The following CELSR2 variants were observed in gnomAD, a reference collection of about 807,000 sequenced individuals.
CELSR2 encodes EGF-like protein 2.
A neutral mutation model predicts 251.6 loss-of-function variants in CELSR2; 81 were observed. That is an observed-to-expected ratio of 0.32 (90% CI 0.27 to 0.39). CELSR2 has a LOEUF of 0.39. Among genes scored for constraint, CELSR2 ranks in the 10% least tolerant of loss-of-function variants. The pLI, the probability that CELSR2 is intolerant of heterozygous loss-of-function variation, is 1.00. For synonymous variants in CELSR2, 1,721 were observed against 1,670.5 expected, an observed-to-expected ratio of 1.03 and a Z score of -0.74; for missense variants, 3,365 against 3,947.7, an observed-to-expected ratio of 0.85 and a Z score of 3.96.
intron 15 of CELSR2, 59 bp from the exon 16 acceptor site, chr1:109,267,489 G>A (rs1287398542): frequency 6.5e-7 from 1 of 1,530,484 alleles, no homozygotes; most frequent in Non-Finnish European, 9.0e-7. Context: ...CTCTCAGCCA[G>A]TCTCAGGGGC....
At chr1:109,268,286 G>C (rs1288772267) in intron 17 of CELSR2, among the ~76,000 whole-genome samples, 1 of 152,240 alleles carries the variant, frequency 6.6e-6, no homozygotes, top group East Asian at 1.9e-4. Flanking sequence ...CAGAGCAGAG[G>C]CCTGCCTGTG....
rs35081717 is a variant in CELSR2, at chr1:109,273,301, G to GC, written c.8479dup (p.Leu2827ProfsTer14). On this transcript the variant is annotated frameshift_variant, in exon 32 of 34. Coordinates refer to ENST00000271332, the MANE Select transcript of CELSR2 (RefSeq NM_001408.3). LOFTEE classifies it high-confidence loss of function. ...GCCCTGTCTCGAGAGGGGTCCCTAG[G>GC]CCCCCTTCCAGGCTCTTCTGCCCAG... 1 of 1,600,064 alleles carries GC rather than the reference G, an allele frequency of 6.2e-7. No homozygotes were observed. Among genetic ancestry groups the GC allele is most frequent in the African/African-American group, 1.3e-5 (1 of 74,416 alleles).
intron 1 of CELSR2, among the ~76,000 whole-genome samples, chr1:109,257,534 G>C (rs1413057199): frequency 6.6e-6 from 1 of 152,152 alleles, no homozygotes; most frequent in Non-Finnish European, 1.5e-5. Flanking sequence ...GTGTGTTTTA[G>C]TGCTTAGCTG....
intron 14 of CELSR2, 76 bp from the exon 15 acceptor site, chr1:109,266,029 T>C (rs575532738): frequency 1.3e-6 from 2 of 1,592,182 alleles, no homozygotes; most frequent in Admixed American, 1.7e-5. Context: ...TGGGGAGGCC[T>C]AGGGAGGGCT....
intron 2 of CELSR2, 54 bp from the exon 3 acceptor site, chr1:109,260,988 G>T (rs1446145797): frequency 1.4e-6 from 2 of 1,430,438 alleles, no homozygotes; most frequent in Non-Finnish European, 1.9e-6. Flanking sequence ...GGGGGTCTCA[G>T]TTCCCCTCCT....
rs548346568 is a variant in CELSR2, at chr1:109,253,518, G to A, written c.3310+129G>A. On this transcript the variant is annotated intron_variant, in intron 1 of 33. Transcript: ENST00000271332. ...CTCCCTGCCCAGTGCCTGGCACAGA[G>A]CAGGAGGGGCAAGAGCCAGCTTGGG... 2.6e-5 allele frequency: 37 copies of A among 1,437,846 alleles called. No homozygotes were observed. In the South Asian group the frequency reaches 3.3e-4, roughly 13 times the overall value. The allele number at this position is 1,437,846 out of a possible 1,614,324, so 89.1% of individuals were successfully genotyped here.
chr1:109,257,904 G>T (rs1655901866), intron 1 of CELSR2, among the ~76,000 whole-genome samples: 1 of 152,190 alleles, frequency 6.6e-6, no homozygotes, highest in Non-Finnish European at 1.5e-5. Flanking sequence ...CGCCCAAGCA[G>T]CCATGGGGCT....
chr1:109,261,360 C>A lies in CELSR2; in HGVS notation c.4181+96C>A. ...GAAGTAAGAGGTCAGGCAGTGAAAG[C>A]GTGGAGCAGGCTGCCGGCAGAGCCA... On this transcript the variant is annotated intron_variant, in intron 3 of 33. Transcript: ENST00000271332. This position sits in a 1 kb window ranked among gnomAD's most constrained non-coding sequence, Gnocchi z 4.8. 1.4e-6 allele frequency: 2 copies of A among 1,406,128 alleles called. No homozygotes were observed. Among genetic ancestry groups the A allele is most frequent in the Non-Finnish European group, 2.0e-6 (2 of 1,008,154 alleles). 87.1% of individuals were successfully genotyped at this position (1,406,128 alleles called of 1,614,324 possible).
At chr1:109,272,597 A>C in intron 29 of CELSR2, 43 bp from the exon 30 acceptor site, 1 of 1,571,532 alleles carries the variant, frequency 6.4e-7, no homozygotes, top group African/African-American at 1.4e-5. Context: ...GACCCTGGGC[A>C]AGGGGCCAGG....
intron 32 of CELSR2, 29 bp from the exon 33 acceptor site, chr1:109,273,407 G>T: frequency 1.2e-6 from 2 of 1,606,182 alleles, no homozygotes; most frequent in Non-Finnish European, 1.7e-6. Context: ...TCCTGTGGCC[G>T]CACCTCACAG....
In CELSR2 at chr1:109,268,753, C is replaced by T. The variant is rs775752921; in HGVS notation, c.6491C>T (p.Thr2164Met). The T allele has an allele frequency of 6.9e-5, 111 of 1,600,248 alleles. No homozygotes were observed. Among genetic ancestry groups the T allele is most frequent in the East Asian group, 2.0e-4 (9 of 44,528 alleles). ...TACCTAAGCCCCTTCACCATCGTCA[C>T]GCCCAACATTGGTAAGGCTGGTGCC... ...HTYLSPFTIV[T>M]PNIVISVVRL... The change falls in exon 18 of 34, where the codon ACG becomes ATG. Residue 2164 changes from threonine (T) to methionine (M), a missense_variant. Coordinates refer to ENST00000271332, the MANE Select transcript of CELSR2 (RefSeq NM_001408.3).
chr1:109,265,647 T>C, intron 13 of CELSR2, 88 bp from the exon 14 acceptor site: 2 of 1,505,932 alleles, frequency 1.3e-6, no homozygotes, highest in Non-Finnish European at 1.8e-6. Context: ...GTCGGGACCC[T>C]CTCCACAGGG....
intron 1 of CELSR2, 72 bp downstream of exon 1, chr1:109,253,461 G>A: frequency 1.3e-6 from 2 of 1,519,594 alleles, no homozygotes; most frequent in East Asian, 2.4e-5. Context: ...ACTGGAGGTA[G>A]GGTGCGATCC....
chr1:109,267,939 C>T lies in CELSR2; in HGVS notation c.6197C>T (p.Thr2066Ile). Reference protein sequence around the residue: ...ALLLRNATQHTAGYFGSDVKV... With the variant: ...ALLLRNATQHIAGYFGSDVKV... ...CTCCTGCGCAACGCCACGCAGCACA[C>T]AGCTGGCTACTTCGGCAGCGACGTC... is the stretch of plus-strand genomic sequence containing the variant. The change falls in exon 17 of 34, where the codon ACA becomes ATA. Residue 2066 changes from threonine (T) to isoleucine (I), a missense_variant. Around this residue, in one of 5 missense-constraint regions of CELSR2, gnomAD observed 2,093 missense variants for 2,382.8 expected, o/e 0.88. Coordinates refer to ENST00000271332, the MANE Select transcript of CELSR2 (RefSeq NM_001408.3). The T allele has an allele frequency of 1.2e-6, 2 of 1,611,800 alleles. No individual in the cohort carries two copies. The highest frequency in any genetic ancestry group is 1.1e-5 in the South Asian group (1 of 91,066).
In CELSR2 at chr1:109,274,300, A is replaced by T; in HGVS notation, c.*251A>T. ...CCCCTGGGGCCAACATCTCCAAGAC[A>T]AAGTTTTTCAGAAAAGAGGAAAAAA... is the stretch of plus-strand genomic sequence containing the variant. On this transcript the variant is annotated 3_prime_UTR_variant, in exon 34 of 34. Transcript: ENST00000271332. The T allele has an allele frequency of 1.3e-6, 1 of 774,098 alleles. No homozygotes were observed. The highest frequency in any genetic ancestry group is 1.9e-6 in the Non-Finnish European group (1 of 521,788). The allele number at this position is 774,098 out of a possible 1,614,324, so 48.0% of individuals were successfully genotyped here. A position where few individuals can be genotyped will look rare whatever the true frequency, so the allele number is the denominator to read the frequency against.
rs1414720758 is a variant in CELSR2, at chr1:109,250,048, T to G, written c.-32T>G. 1.1e-5 allele frequency: 14 copies of G among 1,317,132 alleles called. No homozygotes were observed. The highest frequency in any genetic ancestry group is 1.3e-5 in the Non-Finnish European group (14 of 1,041,704). 81.6% of individuals were successfully genotyped at this position (1,317,132 alleles called of 1,614,324 possible). A position where few individuals can be genotyped will look rare whatever the true frequency, so the allele number is the denominator to read the frequency against. On this transcript the variant is annotated 5_prime_UTR_variant, in exon 1 of 34. Transcript: ENST00000271332. The surrounding 1 kb of genome is among the most constrained non-coding windows in gnomAD (Gnocchi z 4.4). ...GCCGGAGGAGGAGCCGCCGCCGCCG[T>G]TGACCCGGCCGCCGGCCGGGAGCTG...
In CELSR2 at chr1:109,271,310, T is replaced by TG; in HGVS notation, c.7676+18dup. ...GAAAGGTCCTGTGTGAGTATAGGGT[T>TG]GGGGTGCCTGGGCCATGGGCAGGCA... On this transcript the variant is annotated intron_variant, in intron 26 of 33. Transcript: ENST00000271332. The TG allele has an allele frequency of 6.2e-7, 1 of 1,613,850 alleles. No homozygotes were observed. Among genetic ancestry groups the TG allele is most frequent in the African/African-American group, 1.3e-5 (1 of 75,008 alleles).
intron 16 of CELSR2, 26 bp from the exon 17 acceptor site, chr1:109,267,825 C>T (rs770050910): frequency 1.4e-5 from 23 of 1,590,568 alleles, no homozygotes; most frequent in Non-Finnish European, 1.9e-5. Context: ...GCCCTCACTC[C>T]TGCTCCTCCG....
At chr1:109,267,480 T>C in intron 15 of CELSR2, 68 bp from the exon 16 acceptor site, 2 of 1,460,832 alleles carry the variant, frequency 1.4e-6, no homozygotes, top group Non-Finnish European at 1.9e-6. Flanking sequence ...CAGCAGAACC[T>C]CTCAGCCAGT....
Sources: gnomAD v4.1 joint callset for allele counts (sites outside exome capture counted in the v4.1 genomes callset) on GRCh38, gnomAD v4.1.1 for gene constraint, gnomAD v4.1.1 regional missense constraint, Gnocchi (gnomAD v3.1) non-coding constraint, MANE v1.5 for transcripts, NCBI Gene and HGNC (gene_info 2026-07-23, HGNC 2026-07-21) for gene names.